Variants in CDH8 observed in about 807,000 individuals in gnomAD.
CDH8 encodes the protein cadherin-8.
In CDH8, 17 loss-of-function variants were observed where a neutral mutation model predicts 68.1. That is an observed-to-expected ratio of 0.25 (90% CI 0.17 to 0.37). The LOEUF is 0.37. CDH8 is among the 10% of genes least tolerant of loss of function. The probability of loss-of-function intolerance (pLI) is 1.00; values close to 1 mark genes in which losing one functional copy is unlikely to be tolerated. For synonymous variants in CDH8, 372 were observed against 365.1 expected (o/e 1.02, Z -0.21); for missense variants, 763 against 999.3 (o/e 0.76, Z 3.19).
At chr16:61,716,043 G>A (rs1342405358) in intron 9 of CDH8, among the ~76,000 whole-genome samples, 3 of 151,622 alleles carry the variant, frequency 2.0e-5, no homozygotes, top group Admixed American at 1.3e-4. Context: ...AGGACTTCTA[G>A]CCCCAGGTGC....
chr16:61,758,909 G>C (rs1422527876), intron 8 of CDH8, among the ~76,000 whole-genome samples: 1 of 152,080 alleles, frequency 6.6e-6, no homozygotes, highest in African/African-American at 2.4e-5. Flanking sequence ...TATGCTGGGG[G>C]TTGCAATTTC....
chr16:61,800,585 G>A (rs1014758461), intron 7 of CDH8, among the ~76,000 whole-genome samples: 2 of 152,156 alleles, frequency 1.3e-5, no homozygotes, highest in Admixed American at 6.5e-5. Context: ...CATTTACTAT[G>A]AAGGTGTGAA....
chr16:61,858,801 G>C lies in CDH8; in HGVS notation c.548-1563C>G, dbSNP rs536409141. On this transcript the variant is annotated intron_variant, in intron 3 of 11. Transcript: ENST00000577390. Reference sequence around the variant, plus strand: ...AAATGGGCCAAGCTTTTATATTCCAGCAGGAAACAGTTACAGCATGCAAGA... The same window carrying C: ...AAATGGGCCAAGCTTTTATATTCCACCAGGAAACAGTTACAGCATGCAAGA... Among the ~76,000 whole-genome samples, 13 of 152,286 alleles carry C rather than the reference G, an allele frequency of 8.5e-5. No homozygotes were observed. In the South Asian group the frequency reaches 2.7e-3, roughly 32 times the overall value.
intron 2 of CDH8, among the ~76,000 whole-genome samples, chr16:61,945,519 T>C (rs908104427): frequency 2.7e-5 from 4 of 150,902 alleles, no homozygotes; most frequent in Admixed American, 6.6e-5. Context: ...CCTGAACTCA[T>C]AGGCAATGTG....
intron 3 of CDH8, among the ~76,000 whole-genome samples, chr16:61,893,636 G>T (rs1963817877): frequency 6.6e-6 from 1 of 152,044 alleles, no homozygotes; most frequent in Middle Eastern, 3.2e-3. Context: ...AGTACAAAAT[G>T]AGCCTCAAAC....
intron 2 of CDH8, among the ~76,000 whole-genome samples, chr16:61,932,450 C>T (rs1440301970): frequency 6.6e-6 from 1 of 151,900 alleles, no homozygotes; most frequent in Non-Finnish European, 1.5e-5. Flanking sequence ...ATTTATGCTC[C>T]GTGTAAAAGT....
chr16:61,747,240 T>C (rs4365281), intron 8 of CDH8, among the ~76,000 whole-genome samples: 6 of 152,064 alleles, frequency 3.9e-5, no homozygotes, highest in African/African-American at 1.4e-4. Context: ...TTGAGTAAAA[T>C]ATGCAAATCT....
At chr16:61,726,715 G>T in intron 9 of CDH8, 1 of 301,930 alleles carries the variant, frequency 3.3e-6, no homozygotes, top group East Asian at 5.2e-5. Flanking sequence ...GTATTCATAT[G>T]TTTGCTGTGA....
chr16:61,962,416 G>A (rs541245835), intron 2 of CDH8, among the ~76,000 whole-genome samples: 4 of 152,126 alleles, frequency 2.6e-5, no homozygotes, highest in East Asian at 1.9e-4. Context: ...TTGTATTACC[G>A]GAGTATATGA....
intron 2 of CDH8, among the ~76,000 whole-genome samples, chr16:61,995,976 G>C (rs1471443934): frequency 6.6e-6 from 1 of 152,116 alleles, no homozygotes; most frequent in Non-Finnish European, 1.5e-5. Context: ...CTAATCCTAT[G>C]TGAAAGTTTC....
intron 4 of CDH8, among the ~76,000 whole-genome samples, chr16:61,852,121 C>G (rs1006360783): frequency 6.6e-6 from 1 of 152,048 alleles, no homozygotes; most frequent in Non-Finnish European, 1.5e-5. Flanking sequence ...ATGGCAAGAA[C>G]ATAGTAAGAG....
chr16:61,687,492 G>A (rs1352769767), intron 10 of CDH8, among the ~76,000 whole-genome samples: 6 of 151,926 alleles, frequency 3.9e-5, no homozygotes, highest in Admixed American at 3.9e-4. Context: ...ACAGCCTAGT[G>A]TCTTCAATTT....
chr16:62,028,470 A>G (rs1902248236), intron 1 of CDH8, among the ~76,000 whole-genome samples: 1 of 152,128 alleles, frequency 6.6e-6, no homozygotes, highest in Non-Finnish European at 1.5e-5. Flanking sequence ...GCAAAAATCA[A>G]TAAATAAATG....
chr16:61,974,774 G>T (rs1364949660), intron 2 of CDH8, among the ~76,000 whole-genome samples: 1 of 152,142 alleles, frequency 6.6e-6, no homozygotes, highest in Non-Finnish European at 1.5e-5. Context: ...ATACCCAGCA[G>T]ATCTGAGATT....
intron 10 of CDH8, among the ~76,000 whole-genome samples, chr16:61,678,412 C>T (rs1333743589): frequency 2.6e-5 from 4 of 152,070 alleles, no homozygotes; most frequent in Admixed American, 6.6e-5. Flanking sequence ...CCTCTCAACA[C>T]TATTAACTGT....
intron 2 of CDH8, among the ~76,000 whole-genome samples, chr16:61,986,440 G>T (rs1173673198): frequency 6.6e-6 from 1 of 152,122 alleles, no homozygotes; most frequent in Non-Finnish European, 1.5e-5. Context: ...TATACCTGGT[G>T]ATAAGAAACT....
chr16:61,901,047 G>A, intron 3 of CDH8, 132 bp downstream of exon 3: 1 of 817,488 alleles, frequency 1.2e-6, no homozygotes. Context: ...GGCCAAAAAG[G>A]GGGATTTGGA....
chr16:61,699,315 G>A (rs1212069523), intron 10 of CDH8, among the ~76,000 whole-genome samples: 1 of 151,988 alleles, frequency 6.6e-6, no homozygotes, highest in East Asian at 1.9e-4. Context: ...ACCATGCGTT[G>A]GATTTTAAAT....
At chr16:61,887,489 G>A (rs1963696296) in intron 3 of CDH8, among the ~76,000 whole-genome samples, 3 of 152,118 alleles carry the variant, frequency 2.0e-5, no homozygotes, top group South Asian at 2.1e-4. Context: ...TTCTCTCTCT[G>A]GCTTGCAGAT....
Sources: gnomAD v4.1 joint callset for allele counts (sites outside exome capture counted in the v4.1 genomes callset) on GRCh38, gnomAD v4.1.1 for gene constraint, MANE v1.5 for transcripts, NCBI Gene and HGNC (gene_info 2026-07-23, HGNC 2026-07-21) for gene names.